The following FAT3 variants were observed in gnomAD, a reference collection of about 807,000 sequenced individuals.
FAT3 encodes the protein protocadherin Fat 3.
Under a neutral mutation model 310.2 loss-of-function variants are expected in FAT3, and 95 were observed. That is an observed-to-expected ratio of 0.31 (90% CI 0.26 to 0.36). The LOEUF (loss-of-function observed/expected upper bound fraction) is 0.36. Ranked by LOEUF, FAT3 falls within the 10% of genes least tolerant of loss-of-function variation. FAT3 has a pLI of 1.00. For missense variants in FAT3, 5,408 were observed against 5,715.6 expected, an observed-to-expected ratio of 0.95 and a Z score of 1.74; for synonymous variants, 2,314 against 2,192.9, an observed-to-expected ratio of 1.06 and a Z score of -1.54.
intron 3 of FAT3, among the ~76,000 whole-genome samples, chr11:92,573,124 T>C: frequency 6.6e-6 from 1 of 152,158 alleles, no homozygotes. Context: ...CTTATGCAGG[T>C]GCTATCAGGA....
At chr11:92,803,360 G>GTAACACAAC (rs1324845177) in intron 10 of FAT3, among the ~76,000 whole-genome samples, 17 of 152,188 alleles carry the variant, frequency 1.1e-4, no homozygotes, top group African/African-American at 4.1e-4. Flanking sequence ...TGCTCTTGAT[G>GTAACACAAC]TAACACAACT....
chr11:92,603,585 C>T (rs1346561749), intron 3 of FAT3, among the ~76,000 whole-genome samples: 2 of 152,148 alleles, frequency 1.3e-5, no homozygotes, highest in Admixed American at 1.3e-4. Context: ...ATGTCTTTGT[C>T]TTCTGTCAGA....
chr11:92,727,873 A>G (rs1276588613), intron 4 of FAT3, among the ~76,000 whole-genome samples: 1 of 152,160 alleles, frequency 6.6e-6, no homozygotes, highest in Non-Finnish European at 1.5e-5. Flanking sequence ...CCATGCCGCC[A>G]CTGAGGCTGG....
intron 2 of FAT3, among the ~76,000 whole-genome samples, chr11:92,457,405 T>C (rs1236529135): frequency 6.6e-6 from 1 of 152,094 alleles, no homozygotes. Context: ...GGCAGTGCAG[T>C]TGCAGGCTTG....
rs995188830 is a variant in FAT3, at chr11:92,298,450, A to G, written c.-17-53646A>G. Among the ~76,000 whole-genome samples, 17 of 152,122 alleles carry G rather than the reference A, an allele frequency of 1.1e-4. 1 individual carries two copies. The highest frequency in any genetic ancestry group is 9.2e-4 in the Admixed American group (14 of 15,254). On this transcript the variant is annotated intron_variant, in intron 1 of 27. Coordinates refer to ENST00000525166, the MANE Select transcript of FAT3 (RefSeq NM_001367949.2). The stretch of plus-strand genomic sequence containing the variant: ...TTCTGGTTTCCCTATGTACAGTCAC[A>G]TCTCCTTTATGTGTCTTAGCTTTCT...
chr11:92,754,272 A>G (rs1168071652), intron 4 of FAT3, among the ~76,000 whole-genome samples: 1 of 152,150 alleles, frequency 6.6e-6, no homozygotes. Context: ...CTGTCCATCA[A>G]CAGATGCATG....
intron 1 of FAT3, chr11:92,336,438 T>A (rs1028249931): frequency 3.1e-6 from 1 of 322,574 alleles, no homozygotes; most frequent in African/African-American, 2.2e-5. Flanking sequence ...CAAGAGCCTT[T>A]GCATCACCAC....
Position 92,469,862 on chromosome 11 carries a change from T to A in FAT3, c.3293-54772T>A, listed in dbSNP as rs977475684. Among the ~76,000 whole-genome samples, 3 of 152,140 alleles carry A rather than the reference T, an allele frequency of 2.0e-5. No individual in the cohort carries two copies. The East Asian group carries it at 5.8e-4, about 29-fold the overall frequency. On this transcript the variant is annotated intron_variant, in intron 2 of 27. Coordinates refer to ENST00000525166, the MANE Select transcript of FAT3 (RefSeq NM_001367949.2). Reference sequence around the variant, plus strand: ...AAAAATATACACTAAACAGAAAAAGTAAAGCTTGAAGCCAAATAAATTGTG... The same window carrying A: ...AAAAATATACACTAAACAGAAAAAGAAAAGCTTGAAGCCAAATAAATTGTG...
chr11:92,290,838 T>C (rs942313435), intron 1 of FAT3, among the ~76,000 whole-genome samples: 1 of 151,974 alleles, frequency 6.6e-6, no homozygotes, highest in Non-Finnish European at 1.5e-5. Context: ...AGGAGTAGAT[T>C]GAGTTTATGT....
At chr11:92,884,827 A>C (rs1213263768) in intron 24 of FAT3, among the ~76,000 whole-genome samples, 1 of 152,174 alleles carries the variant, frequency 6.6e-6, no homozygotes, top group Non-Finnish European at 1.5e-5. Context: ...ATCTGCATGT[A>C]GGATGGTGGA....
chr11:92,689,850 T>G (rs1227485996), intron 3 of FAT3, among the ~76,000 whole-genome samples: 1 of 152,190 alleles, frequency 6.6e-6, no homozygotes, highest in Non-Finnish European at 1.5e-5. Context: ...CAAGATCATC[T>G]TCACTACTCC....
chr11:92,364,802 C>T (rs950369487), intron 2 of FAT3, among the ~76,000 whole-genome samples: 20 of 152,146 alleles, frequency 1.3e-4, no homozygotes, highest in Non-Finnish European at 2.6e-4. Flanking sequence ...TTAGTGGCTC[C>T]TCTGGGCCAC....
intron 2 of FAT3, among the ~76,000 whole-genome samples, chr11:92,375,382 C>T (rs191327114): frequency 4.5e-4 from 69 of 152,278 alleles, no homozygotes; most frequent in Admixed American, 1.4e-3. Context: ...CTCAAGCTCT[C>T]CTCCTGCCTT....
chr11:92,406,340 G>A (rs1051269001), intron 2 of FAT3, among the ~76,000 whole-genome samples: 4 of 152,086 alleles, frequency 2.6e-5, no homozygotes, highest in Admixed American at 6.6e-5. Flanking sequence ...GCTATTTTAG[G>A]GGTTATTAGA....
chr11:92,402,610 GT>G (rs200812515), intron 2 of FAT3, among the ~76,000 whole-genome samples: 3,696 of 151,830 alleles, frequency 0.024, 55 homozygotes, highest in Non-Finnish European at 0.03. Context: ...ATGCGTGCCT[GT>G]AGTCCCAGCT....
At chr11:92,296,854 A>C (rs1247852183) in intron 1 of FAT3, among the ~76,000 whole-genome samples, 5 of 152,070 alleles carry the variant, frequency 3.3e-5, no homozygotes, top group Non-Finnish European at 5.9e-5. Context: ...CCTAGACAAG[A>C]GTACTGACTT....
chr11:92,245,860 A>C (rs1161952910), intron 1 of FAT3, among the ~76,000 whole-genome samples: 1 of 152,200 alleles, frequency 6.6e-6, no homozygotes, highest in Non-Finnish European at 1.5e-5. Context: ...TTCAGGTTTA[A>C]GAAATGGGCA....
chr11:92,736,584 G>GT (rs1945355836), intron 4 of FAT3, among the ~76,000 whole-genome samples: 1 of 152,106 alleles, frequency 6.6e-6, no homozygotes, highest in Non-Finnish European at 1.5e-5. Flanking sequence ...AAATAAATTA[G>GT]TTGTAAGGGA....
rs2136086103 is a variant in FAT3, at chr11:92,762,114, A to T, written c.3928A>T (p.Thr1310Ser). 6.2e-7 allele frequency: 1 copy of T among 1,613,902 alleles called. No homozygotes were observed. Among genetic ancestry groups the T allele is most frequent in the Non-Finnish European group, 8.5e-7 (1 of 1,179,860 alleles). The change falls in exon 5 of 28, where the codon ACT becomes TCT. Residue 1310 changes from threonine (T) to serine (S), a missense_variant. Physicochemically the swap from Thr to Ser is moderately conservative, Grantham distance 58 (BLOSUM62 1). Coordinates refer to ENST00000525166, the MANE Select transcript of FAT3 (RefSeq NM_001367949.2). ...DDGKFFIDPK[T>S]GMVSSRKQFT... The stretch of plus-strand genomic sequence containing the variant: ...CGGAAAGTTCTTTATTGACCCTAAA[A>T]CTGGGATGGTTTCTTCTAGAAAGCA...
Sources: gnomAD v4.1 joint callset for allele counts (sites outside exome capture counted in the v4.1 genomes callset) on GRCh38, gnomAD v4.1.1 for gene constraint, MANE v1.5 for transcripts, NCBI Gene and HGNC (gene_info 2026-07-23, HGNC 2026-07-21) for gene names.